The following ZSWIM6 variants were observed in gnomAD, a reference collection of about 807,000 sequenced individuals.
ZSWIM6 encodes zinc finger SWIM domain-containing protein 6.
Under a neutral mutation model 113.2 loss-of-function variants are expected in ZSWIM6, and 9 were observed. The ratio of observed to expected loss-of-function variants is 0.08; its 90% CI spans 0.05 to 0.14. The LOEUF (loss-of-function observed/expected upper bound fraction) is 0.14. ZSWIM6 is among the 10% of genes least tolerant of loss of function. The pLI, the probability that ZSWIM6 is intolerant of heterozygous loss-of-function variation, is 1.00. For missense variants in ZSWIM6, 1,162 were observed against 1,552.2 expected (o/e 0.75, Z 4.22); for synonymous variants, 611 against 606.5 (o/e 1.01, Z -0.11).
At chr5:61,428,267 T>C (rs909277827) in intron 1 of ZSWIM6, among the ~76,000 whole-genome samples, 6 of 152,210 alleles carry the variant, frequency 3.9e-5, no homozygotes, top group Non-Finnish European at 5.9e-5. Flanking sequence ...ATGAATACTA[T>C]GGTGAACTAA....
At chr5:61,510,197 A>G (rs1748741334) in intron 4 of ZSWIM6, among the ~76,000 whole-genome samples, 1 of 151,694 alleles carries the variant, frequency 6.6e-6, no homozygotes, top group Non-Finnish European at 1.5e-5. Flanking sequence ...GGAAACATAA[A>G]ACAATAAGTG....
chr5:61,383,891 A>G (rs913188125), intron 1 of ZSWIM6, among the ~76,000 whole-genome samples: 1 of 151,734 alleles, frequency 6.6e-6, no homozygotes, highest in African/African-American at 2.4e-5. Context: ...GATTGGTTTA[A>G]GTAATAGGAC....
At chr5:61,519,819 G>C (rs1267919653) in intron 4 of ZSWIM6, among the ~76,000 whole-genome samples, 3 of 152,248 alleles carry the variant, frequency 2.0e-5, no homozygotes, top group African/African-American at 4.8e-5. Context: ...TCCACGGATG[G>C]GGGGTGGGAG....
chr5:61,358,100 T>C (rs1356571132), intron 1 of ZSWIM6, among the ~76,000 whole-genome samples: 1 of 152,234 alleles, frequency 6.6e-6, no homozygotes, highest in East Asian at 1.9e-4. Context: ...TCTTTGCCTC[T>C]AGTTATTTCC....
chr5:61,427,253 C>T (rs116064842), intron 1 of ZSWIM6, among the ~76,000 whole-genome samples: 1,624 of 152,220 alleles, frequency 0.011, 20 homozygotes, highest in Non-Finnish European at 0.017. Context: ...ATATCAAAAT[C>T]CTAGGATGCT....
intron 2 of ZSWIM6, among the ~76,000 whole-genome samples, chr5:61,483,712 C>CAAA (rs36120611): frequency 1.6e-5 from 2 of 125,772 alleles, no homozygotes; most frequent in Non-Finnish European, 3.4e-5. Context: ...ACTAAAAATA[C>CAAA]AAAAAAAAAA....
At chr5:61,495,075 T>G (rs1009960905) in intron 4 of ZSWIM6, among the ~76,000 whole-genome samples, 1 of 152,192 alleles carries the variant, frequency 6.6e-6, no homozygotes, top group Non-Finnish European at 1.5e-5. Flanking sequence ...ATCTTGTCTT[T>G]TTATTAAGAA....
At chr5:61,419,311 A>C (rs1746311552) in intron 1 of ZSWIM6, among the ~76,000 whole-genome samples, 1 of 152,220 alleles carries the variant, frequency 6.6e-6, no homozygotes, top group Non-Finnish European at 1.5e-5. Flanking sequence ...AGATAATTCT[A>C]CCATTATCTC....
At chr5:61,474,972 A>G (rs746698219) in intron 2 of ZSWIM6, among the ~76,000 whole-genome samples, 5 of 152,158 alleles carry the variant, frequency 3.3e-5, no homozygotes, top group Admixed American at 1.3e-4. Flanking sequence ...AGTGTAAACA[A>G]CGCTGCCACA....
chr5:61,461,951 T>C (rs1747331834), intron 1 of ZSWIM6, among the ~76,000 whole-genome samples: 1 of 152,238 alleles, frequency 6.6e-6, no homozygotes, highest in Non-Finnish European at 1.5e-5. Flanking sequence ...ATGTGCCATT[T>C]AGCCAAGGTA....
At chr5:61,436,230 A>G (rs899784274) in intron 1 of ZSWIM6, among the ~76,000 whole-genome samples, 2 of 152,016 alleles carry the variant, frequency 1.3e-5, no homozygotes, top group Admixed American at 6.6e-5. Context: ...GTAGTCACTA[A>G]TTATCACTAA....
chr5:61,340,152 TC>T (rs1420854294), intron 1 of ZSWIM6, among the ~76,000 whole-genome samples: 1 of 152,220 alleles, frequency 6.6e-6, no homozygotes, highest in African/African-American at 2.4e-5. Context: ...TTATTTTTTT[TC>T]ATCTAGAAAA....
chr5:61,541,775 T>C, intron 12 of ZSWIM6, 109 bp from the exon 13 acceptor site: 3 of 827,860 alleles, frequency 3.6e-6, no homozygotes, highest in Non-Finnish European at 5.6e-6. Context: ...TTCATCTTCC[T>C]GGTGGTAGAC....
chr5:61,372,286 T>C (rs1438224917), intron 1 of ZSWIM6, among the ~76,000 whole-genome samples: 1 of 144,276 alleles, frequency 6.9e-6, no homozygotes, highest in Admixed American at 6.9e-5. Flanking sequence ...CTCTGCCCTA[T>C]TTTTTTTTTT....
At chr5:61,372,135 T>C (rs1475864524) in intron 1 of ZSWIM6, among the ~76,000 whole-genome samples, 1 of 152,170 alleles carries the variant, frequency 6.6e-6, no homozygotes, top group Admixed American at 6.5e-5. Context: ...TATATTAATT[T>C]TGGGGCATTA....
rs1747714831 is a variant in ZSWIM6 at position 61,476,741 on chromosome 5, A to G, written c.1033+3704A>G. Among the ~76,000 whole-genome samples the G allele has an allele frequency of 6.6e-5, 10 of 152,202 alleles. No individual in the cohort carries two copies. In the South Asian group the frequency reaches 2.1e-3, roughly 32 times the overall value. ...CTAACCCCACCCTCGTAGTTAATTA[A>G]CTTCGTCTTTTCTGTCCTTTATGCT... is the stretch of plus-strand genomic sequence containing the variant. On this transcript the variant is annotated intron_variant, in intron 2 of 13. Coordinates refer to ENST00000252744, the MANE Select transcript of ZSWIM6 (RefSeq NM_020928.2).
intron 1 of ZSWIM6, among the ~76,000 whole-genome samples, chr5:61,410,238 CCA>C (rs1156289925): frequency 6.6e-6 from 1 of 152,052 alleles, no homozygotes; most frequent in Non-Finnish European, 1.5e-5. Context: ...GTGCTCAGCC[CCA>C]CATTGACAAT....
At chr5:61,363,583 T>C (rs906082801) in intron 1 of ZSWIM6, among the ~76,000 whole-genome samples, 1 of 152,164 alleles carries the variant, frequency 6.6e-6, no homozygotes. Flanking sequence ...TTACGGAAAC[T>C]TATTATTGGC....
chr5:61,532,164 ATG>A (rs778462900), intron 9 of ZSWIM6, among the ~76,000 whole-genome samples: 24 of 152,310 alleles, frequency 1.6e-4, no homozygotes, highest in Admixed American at 7.2e-4. Flanking sequence ...TGGGTTTTGA[ATG>A]TGTCATACGC....
Sources: allele counts gnomAD v4.1 joint callset (sites outside exome capture counted in the v4.1 genomes callset), GRCh38; gene constraint gnomAD v4.1.1; transcripts MANE v1.5; gene names NCBI Gene and HGNC (gene_info 2026-07-23, HGNC 2026-07-21).